HPGDS: variants seen among roughly 807,000 people sequenced by gnomAD.
HPGDS encodes GST class-sigma.
In HPGDS, 26 loss-of-function variants were observed where a neutral mutation model predicts 23.1. The observed-to-expected ratio is 1.13, with a 90% confidence interval of 0.83 to 1.56. The LOEUF (loss-of-function observed/expected upper bound fraction) is 1.56, where lower values mean the gene tolerates loss of function less well. Among genes scored for constraint, HPGDS ranks in the 40% most tolerant of loss-of-function variants. The probability of loss-of-function intolerance (pLI) is 0.00; values close to 1 mark genes in which losing one functional copy is unlikely to be tolerated. For synonymous variants in HPGDS, 95 were observed against 77.9 expected, an observed-to-expected ratio of 1.22 and a Z score of -1.16; for missense variants, 268 against 236.4, an observed-to-expected ratio of 1.13 and a Z score of -0.88.
chr4:94,299,770 G>T, intron 5 of HPGDS, 126 bp from the exon 6 acceptor site: 1 of 881,532 alleles, frequency 1.1e-6, no homozygotes, highest in Non-Finnish European at 1.7e-6. Context: ...AAAGCAGAAT[G>T]TTTATATGAT....
intron 4 of HPGDS, among the ~76,000 whole-genome samples, chr4:94,308,352 A>G (rs1005492315): frequency 1.3e-5 from 2 of 152,140 alleles, no homozygotes; most frequent in African/African-American, 2.4e-5. Context: ...CAATTGGTCA[A>G]TCAGAGGAAG....
In HPGDS at chr4:94,314,740, G is replaced by A. The variant is rs184619169; in HGVS notation, c.226+3133C>T. 4.3e-4 allele frequency among the ~76,000 whole-genome samples: 65 copies of A among 152,294 alleles called. No homozygotes were observed. The East Asian group carries it at 5.2e-3, about 12-fold the overall frequency. On this transcript the variant is annotated intron_variant, in intron 3 of 5. Transcript: ENST00000295256. Reference sequence around the variant, plus strand: ...TGGCTATGCCCTGCCCCCAGAGGTGGAGTCTACGGAGGCAGGCAGGCCTCC... The same window carrying A: ...TGGCTATGCCCTGCCCCCAGAGGTGAAGTCTACGGAGGCAGGCAGGCCTCC...
chr4:94,322,853 T>C (rs979338854), intron 2 of HPGDS, among the ~76,000 whole-genome samples: 6 of 152,220 alleles, frequency 3.9e-5, no homozygotes, highest in African/African-American at 9.6e-5. Flanking sequence ...AATTGGGATG[T>C]TAGGGTGTCA....
chr4:94,334,764 T>C, intron 1 of HPGDS, 126 bp from the exon 2 acceptor site: 1 of 744,424 alleles, frequency 1.3e-6, no homozygotes, highest in East Asian at 2.9e-5. Flanking sequence ...AGAGGATATT[T>C]CAAAACCAAA....
intron 2 of HPGDS, among the ~76,000 whole-genome samples, chr4:94,318,631 A>G (rs1013081286): frequency 2.6e-5 from 4 of 152,264 alleles, no homozygotes; most frequent in African/African-American, 7.2e-5. Flanking sequence ...ATTTAAAAAA[A>G]TTTATTGAGA....
At chr4:94,311,499 T>C (rs931161292) in intron 3 of HPGDS, among the ~76,000 whole-genome samples, 1 of 151,352 alleles carries the variant, frequency 6.6e-6, no homozygotes, top group African/African-American at 2.5e-5. Flanking sequence ...CACTTGATCA[T>C]GGTGGATAAG....
chr4:94,328,011 C>A (rs775093694), intron 2 of HPGDS, among the ~76,000 whole-genome samples: 2 of 152,222 alleles, frequency 1.3e-5, no homozygotes, highest in African/African-American at 4.8e-5. Context: ...ACAATGTTCT[C>A]ACATGGACTC....
intron 4 of HPGDS, chr4:94,303,979 ACAAT>A (rs1191142256): frequency 6.6e-6 from 1 of 152,106 alleles, no homozygotes; most frequent in African/African-American, 2.4e-5. Flanking sequence ...ATTTTAAAGT[ACAAT>A]CAACCAAAAT....
intron 3 of HPGDS, among the ~76,000 whole-genome samples, chr4:94,311,604 T>G (rs1010311408): frequency 1.3e-5 from 2 of 151,300 alleles, no homozygotes; most frequent in African/African-American, 2.5e-5. Flanking sequence ...CTTCTCTTTT[T>G]TTGTTGTGTC....
At chr4:94,318,678 G>A (rs1030675366) in intron 2 of HPGDS, among the ~76,000 whole-genome samples, 5 of 152,030 alleles carry the variant, frequency 3.3e-5, no homozygotes, top group African/African-American at 7.2e-5. Flanking sequence ...CATCCTGTGT[G>A]CTGCTAAGAA....
intron 4 of HPGDS, among the ~76,000 whole-genome samples, chr4:94,308,357 A>G (rs1014671230): frequency 6.6e-5 from 10 of 152,132 alleles, no homozygotes; most frequent in African/African-American, 2.2e-4. Flanking sequence ...GGTCAATCAG[A>G]GGAAGTCATA....
At chr4:94,336,403 C>A (rs34465979) in intron 1 of HPGDS, among the ~76,000 whole-genome samples, 62,486 of 151,662 alleles carry the variant, frequency 0.41, 12,968 homozygotes, top group Non-Finnish European at 0.44. Flanking sequence ...TAATTCCTAG[C>A]AAAACCATTT....
intron 1 of HPGDS, among the ~76,000 whole-genome samples, chr4:94,338,662 C>T (rs953010996): frequency 6.6e-6 from 1 of 152,118 alleles, no homozygotes; most frequent in Non-Finnish European, 1.5e-5. Context: ...TCAATAAAAG[C>T]ATTTTCTTTA....
intron 3 of HPGDS, among the ~76,000 whole-genome samples, chr4:94,312,853 G>C (rs1425570591): frequency 6.6e-6 from 1 of 152,172 alleles, no homozygotes; most frequent in Non-Finnish European, 1.5e-5. Context: ...AGGATAGTTA[G>C]CTCTTCTTGT....
chr4:94,326,406 CA>C (rs1219210698), intron 2 of HPGDS, among the ~76,000 whole-genome samples: 1 of 151,966 alleles, frequency 6.6e-6, no homozygotes, highest in Non-Finnish European at 1.5e-5. Context: ...ATCCTTTTTT[CA>C]TTCTTTTATT....
intron 2 of HPGDS, among the ~76,000 whole-genome samples, chr4:94,332,612 C>T (rs1419933911): frequency 3.9e-5 from 6 of 152,246 alleles, no homozygotes; most frequent in Non-Finnish European, 8.8e-5. Context: ...CTTGCTTGCT[C>T]ACGTGCTCCC....
At chr4:94,321,670 T>A (rs201082786) in intron 2 of HPGDS, among the ~76,000 whole-genome samples, 2 of 151,228 alleles carry the variant, frequency 1.3e-5, no homozygotes, top group South Asian at 4.2e-4. Context: ...TGGGCTGAGA[T>A]GATGGGGTTT....
rs765036312 is a variant in HPGDS, at chr4:94,302,248, G to A, written c.337-4C>T. ...GCAGCTCATTGAACATCTGCTCCTA[G>A]GAGAAGGAGAAAATATCACTTTAAG... On this transcript the variant is annotated splice_region_variant and splice_polypyrimidine_tract_variant and intron_variant, in intron 4 of 5. Coordinates refer to ENST00000295256, the MANE Select transcript of HPGDS (RefSeq NM_014485.3). 2.4e-5 allele frequency: 39 copies of A among 1,592,374 alleles called. No individual in the cohort carries two copies. In the South Asian group the frequency reaches 3.1e-4, roughly 13 times the overall value.
chr4:94,340,311 C>CTTTCTTTTTCTTTTTTTTTTTTT, intron 1 of HPGDS, among the ~76,000 whole-genome samples: 3 of 23,678 alleles, frequency 1.3e-4, no homozygotes, highest in African/African-American at 2.9e-4. Context: ...CTTTCTTTCT[C>CTTTCTTTTTCTTTTTTTTTTTTT]TTTTTTTTTT....
Sources: allele counts gnomAD v4.1 joint callset (sites outside exome capture counted in the v4.1 genomes callset), GRCh38; gene constraint gnomAD v4.1.1; transcripts MANE v1.5; gene names NCBI Gene and HGNC (gene_info 2026-07-23, HGNC 2026-07-21).